Variants in RAB8B observed in about 807,000 individuals in gnomAD.
RAB8B encodes the protein RAB8B, member RAS oncogene family.
A neutral mutation model predicts 32.0 loss-of-function variants in RAB8B; 11 were observed. That is an observed-to-expected ratio of 0.34 (90% CI 0.22 to 0.57). The LOEUF is 0.57. Among genes scored for constraint, RAB8B ranks in the 20% least tolerant of loss-of-function variants. The probability of loss-of-function intolerance (pLI) is 0.86; values close to 1 mark genes in which losing one functional copy is unlikely to be tolerated. For synonymous variants in RAB8B, 103 were observed against 89.6 expected (o/e 1.15, Z -0.85); for missense variants, 190 against 258.5 (o/e 0.73, Z 1.82).
At position 63,259,613 on chromosome 15, in the gene RAB8B, T is replaced by C. The variant is rs2038187034; in HGVS notation, c.415-14T>C. 8 of 1,607,798 alleles carry C rather than the reference T, an allele frequency of 5.0e-6. No individual in the cohort carries two copies. Among genetic ancestry groups the C allele is most frequent in the Non-Finnish European group, 6.8e-6 (8 of 1,174,364 alleles). On this transcript the variant is annotated splice_polypyrimidine_tract_variant and intron_variant, in intron 5 of 7. Coordinates refer to ENST00000321437, the MANE Select transcript of RAB8B (RefSeq NM_016530.3). The surrounding 1 kb of genome is among the most constrained non-coding windows in gnomAD (Gnocchi z 4.4). ...ATCTTTTGCTAAATTTAAATATTTC[T>C]GTTTACTTTTCAGCTAGCAATTGAC...
chr15:63,209,356 C>T (rs1034639005), intron 1 of RAB8B, among the ~76,000 whole-genome samples: 1 of 151,624 alleles, frequency 6.6e-6, no homozygotes, highest in Admixed American at 6.6e-5. Flanking sequence ...TTTGGGAGGC[C>T]GAGGCAGGTG....
chr15:63,216,859 CAAA>C (rs36022071), intron 1 of RAB8B, among the ~76,000 whole-genome samples: 25 of 59,358 alleles, frequency 4.2e-4, no homozygotes, highest in Non-Finnish European at 7.2e-4. Flanking sequence ...GACTCTGTCT[CAAA>C]AAAAAAAAAA....
intron 1 of RAB8B, among the ~76,000 whole-genome samples, chr15:63,212,915 A>G (rs531966553): frequency 1.3e-5 from 2 of 152,346 alleles, no homozygotes; most frequent in Non-Finnish European, 1.5e-5. Flanking sequence ...GCTTGCATGC[A>G]CATTTTCAGA....
In RAB8B at chr15:63,259,255, G is replaced by A. The variant is rs2038183226; in HGVS notation, c.415-372G>A. Among the ~76,000 whole-genome samples the A allele has an allele frequency of 6.6e-6, 1 of 151,834 alleles. No homozygotes were observed. The highest frequency in any genetic ancestry group is 1.9e-4 in the East Asian group (1 of 5,180). On this transcript the variant is annotated intron_variant, in intron 5 of 7. Coordinates refer to ENST00000321437, the MANE Select transcript of RAB8B (RefSeq NM_016530.3). The surrounding 1 kb of genome is among the most constrained non-coding windows in gnomAD (Gnocchi z 4.4). ...CTGCCTCAGCCTCCCGGGTAGCTGG[G>A]ACTACAGGCGGGTGCCACCACGCCC...
At position 63,266,593 on chromosome 15, in the gene RAB8B, A is replaced by G. The variant is rs1185830103; in HGVS notation, c.*2974A>G. ...AAAAACAGTGAGCCAGCCTTTAAGC[A>G]TCTAACAAAATTTAGACTCTTTGTT... On this transcript the variant is annotated 3_prime_UTR_variant, in exon 8 of 8. Coordinates refer to ENST00000321437, the MANE Select transcript of RAB8B (RefSeq NM_016530.3). 1 of 152,630 alleles carries G rather than the reference A, an allele frequency of 6.6e-6. No individual in the cohort carries two copies. The highest frequency in any genetic ancestry group is 1.5e-5 in the Non-Finnish European group (1 of 68,020). 9.5% of individuals were successfully genotyped at this position (152,630 alleles called of 1,614,324 possible). A position where few individuals can be genotyped will look rare whatever the true frequency, so the allele number is the denominator to read the frequency against.
intron 1 of RAB8B, among the ~76,000 whole-genome samples, chr15:63,240,419 CT>C (rs1196093077): frequency 6.6e-6 from 1 of 152,058 alleles, no homozygotes; most frequent in East Asian, 1.9e-4. Context: ...TCCTGTCAAC[CT>C]TTTTTTATGG....
intron 1 of RAB8B, among the ~76,000 whole-genome samples, chr15:63,223,361 C>T (rs1045644627): frequency 2.6e-5 from 4 of 152,020 alleles, no homozygotes; most frequent in African/African-American, 7.3e-5. Context: ...ATCCACTTGC[C>T]TCGGCCCCAA....
intron 1 of RAB8B, among the ~76,000 whole-genome samples, chr15:63,240,805 A>AC (rs1491539412): frequency 9.6e-6 from 1 of 104,690 alleles, no homozygotes; most frequent in East Asian, 3.1e-4. Flanking sequence ...AATGTTCCTA[A>AC]CAAAAAAAAA....
chr15:63,232,929 TTAAA>T (rs1234614450), intron 1 of RAB8B, among the ~76,000 whole-genome samples: 4 of 142,286 alleles, frequency 2.8e-5, no homozygotes, highest in African/African-American at 7.7e-5. Flanking sequence ...AAACAAAAAT[TTAAA>T]TAGTTATAAA....
At chr15:63,213,956 C>T (rs1418086941) in intron 1 of RAB8B, among the ~76,000 whole-genome samples, 1 of 152,038 alleles carries the variant, frequency 6.6e-6, no homozygotes, top group African/African-American at 2.4e-5. Flanking sequence ...TGGCATGTGT[C>T]TGTAATCCCA....
chr15:63,221,309 T>C (rs2037842439), intron 1 of RAB8B, among the ~76,000 whole-genome samples: 1 of 152,186 alleles, frequency 6.6e-6, no homozygotes, highest in Non-Finnish European at 1.5e-5. Flanking sequence ...TCCAGTATCC[T>C]GTGGTGCATA....
At chr15:63,223,818 CT>C (rs1163803971) in intron 1 of RAB8B, 3 of 406,120 alleles carry the variant, frequency 7.4e-6, no homozygotes, top group Non-Finnish European at 1.5e-5. Flanking sequence ...AGGAGTTTTT[CT>C]TTTGTCTTTA....
intron 1 of RAB8B, among the ~76,000 whole-genome samples, chr15:63,224,419 A>G (rs1271467973): frequency 6.6e-6 from 1 of 152,202 alleles, no homozygotes; most frequent in African/African-American, 2.4e-5. Context: ...CTGGAGCAGC[A>G]TGAGTGTCAC....
chr15:63,222,515 G>A (rs1315934929), intron 1 of RAB8B, among the ~76,000 whole-genome samples: 2 of 152,188 alleles, frequency 1.3e-5, no homozygotes, highest in Non-Finnish European at 2.9e-5. Context: ...TGTCCCATAA[G>A]TTGATGATGA....
chr15:63,263,440 T>C (rs940541155), intron 7 of RAB8B, 87 bp from the exon 8 acceptor site: 6 of 936,832 alleles, frequency 6.4e-6, no homozygotes, highest in South Asian at 1.4e-5. Context: ...TTTCACATGG[T>C]ATGGTTAGTT....
At chr15:63,210,253 G>A (rs2141115421) in intron 1 of RAB8B, among the ~76,000 whole-genome samples, 1 of 152,262 alleles carries the variant, frequency 6.6e-6, no homozygotes. Context: ...TTTGCCTCTG[G>A]CCCTCTCTAG....
intron 1 of RAB8B, among the ~76,000 whole-genome samples, chr15:63,202,081 G>C: frequency 9.3e-6 from 1 of 107,176 alleles, no homozygotes; most frequent in Non-Finnish European, 1.8e-5. Flanking sequence ...GTGAAACCCC[G>C]TCTCTACTAA....
chr15:63,242,356 A>G (rs755081833), intron 1 of RAB8B, among the ~76,000 whole-genome samples: 7 of 152,074 alleles, frequency 4.6e-5, no homozygotes, highest in Non-Finnish European at 2.9e-5. Flanking sequence ...TACTGTAGTA[A>G]CATAGCAGTT....
intron 1 of RAB8B, among the ~76,000 whole-genome samples, chr15:63,198,678 G>A (rs556756648): frequency 4.6e-5 from 7 of 152,218 alleles, no homozygotes; most frequent in Non-Finnish European, 1.0e-4. Flanking sequence ...GAAGAACTTG[G>A]CGGTAATTAT....
Sources: gnomAD v4.1 joint callset for allele counts (sites outside exome capture counted in the v4.1 genomes callset) on GRCh38, gnomAD v4.1.1 for gene constraint, Gnocchi (gnomAD v3.1) non-coding constraint, MANE v1.5 for transcripts, NCBI Gene and HGNC (gene_info 2026-07-23, HGNC 2026-07-21) for gene names.